IQGAP2: variants seen among roughly 807,000 people sequenced by gnomAD.
IQGAP2 encodes IQ motif containing GTPase activating protein 2.
IQGAP2 carries 173 observed loss-of-function variants against 201.3 expected under a neutral mutation model. The observed-to-expected ratio is 0.86, with a 90% CI of 0.76 to 0.98. IQGAP2 has a LOEUF of 0.98. IQGAP2 is among the 50% of genes least tolerant of loss of function. The pLI is 0.00. For missense variants in IQGAP2, 1,687 were observed against 1,864.8 expected, an observed-to-expected ratio of 0.90 and a Z score of 1.76; for synonymous variants, 675 against 673.9, an observed-to-expected ratio of 1.00 and a Z score of -0.03.
chr5:76,658,812 C>T, intron 21 of IQGAP2, 145 bp downstream of exon 21: 1 of 756,010 alleles, frequency 1.3e-6, no homozygotes, highest in Non-Finnish European at 2.2e-6. Context: ...GAGCACTTAC[C>T]TAAACATAGA....
intron 13 of IQGAP2, among the ~76,000 whole-genome samples, chr5:76,614,257 G>A (rs1375928532): frequency 6.6e-6 from 1 of 152,184 alleles, no homozygotes; most frequent in Non-Finnish European, 1.5e-5. Context: ...CACCATGCCA[G>A]CTCTGTGTCA....
intron 2 of IQGAP2, among the ~76,000 whole-genome samples, chr5:76,526,317 A>G (rs1377810092): frequency 6.6e-6 from 1 of 152,214 alleles, no homozygotes; most frequent in East Asian, 1.9e-4. Context: ...GAATAAAATG[A>G]CACTTGCTAC....
At chr5:76,469,093 C>T (rs2150133196) in intron 2 of IQGAP2, among the ~76,000 whole-genome samples, 1 of 152,324 alleles carries the variant, frequency 6.6e-6, no homozygotes. Flanking sequence ...GACAGCTAGA[C>T]TGCCAGCCTA....
At chr5:76,499,459 G>T (rs887980881) in intron 2 of IQGAP2, among the ~76,000 whole-genome samples, 3 of 152,176 alleles carry the variant, frequency 2.0e-5, no homozygotes, top group Admixed American at 2.0e-4. Flanking sequence ...AAAGGGGAGA[G>T]ATACCATCAC....
chr5:76,458,665 AT>A (rs974765300), intron 1 of IQGAP2, among the ~76,000 whole-genome samples: 21 of 152,150 alleles, frequency 1.4e-4, no homozygotes, highest in African/African-American at 4.3e-4. Context: ...GAGGGTACAC[AT>A]TTTTTATACT....
chr5:76,407,227 A>G (rs529303538), intron 1 of IQGAP2, among the ~76,000 whole-genome samples: 1 of 152,144 alleles, frequency 6.6e-6, no homozygotes, highest in South Asian at 2.1e-4. Flanking sequence ...TCAGCTTCCC[A>G]AAGTGCTGGG....
intron 5 of IQGAP2, among the ~76,000 whole-genome samples, chr5:76,577,386 T>A (rs1745542153): frequency 6.6e-6 from 1 of 152,214 alleles, no homozygotes; most frequent in Non-Finnish European, 1.5e-5. Flanking sequence ...AATATTGATG[T>A]GATATTTTCC....
chr5:76,660,063 A>C (rs1323085417), intron 21 of IQGAP2: 2 of 151,994 alleles, frequency 1.3e-5, no homozygotes, highest in African/African-American at 4.8e-5. Context: ...AGGGAAACTG[A>C]TCTTCTGGAA....
chr5:76,517,900 G>A (rs921222213), intron 2 of IQGAP2, among the ~76,000 whole-genome samples: 5 of 152,096 alleles, frequency 3.3e-5, no homozygotes, highest in Admixed American at 1.3e-4. Flanking sequence ...CCATTTTCAC[G>A]CTGCCGATAA....
intron 3 of IQGAP2, among the ~76,000 whole-genome samples, chr5:76,565,968 C>T (rs534058388): frequency 6.6e-6 from 1 of 152,230 alleles, no homozygotes; most frequent in African/African-American, 2.4e-5. Context: ...TTCTTTTCTT[C>T]TGCACTTTGA....
At chr5:76,438,038 T>TTTTTTTTTTTTTTTTTTTTG (rs1752815816) in intron 1 of IQGAP2, among the ~76,000 whole-genome samples, 1 of 117,102 alleles carries the variant, frequency 8.5e-6, no homozygotes, top group Non-Finnish European at 1.6e-5. Flanking sequence ...TTTGTTTGTT[T>TTTTTTTTTTTTTTTTTTTTG]TTTTTTTTGT....
At chr5:76,511,686 G>GTTTTGTT (rs371983527) in intron 2 of IQGAP2, among the ~76,000 whole-genome samples, 5 of 141,330 alleles carry the variant, frequency 3.5e-5, no homozygotes, top group African/African-American at 1.3e-4. Context: ...GTTTTGTTTT[G>GTTTTGTT]TTTTTTTTTT....
intron 15 of IQGAP2, among the ~76,000 whole-genome samples, chr5:76,635,033 A>G (rs1297907333): frequency 1.3e-5 from 2 of 152,196 alleles, no homozygotes; most frequent in African/African-American, 4.8e-5. Flanking sequence ...CTTTCCTATT[A>G]CCTACTGACA....
intron 2 of IQGAP2, among the ~76,000 whole-genome samples, chr5:76,485,904 T>A (rs985807887): frequency 1.3e-5 from 2 of 152,224 alleles, no homozygotes; most frequent in Non-Finnish European, 2.9e-5. Context: ...TGAGTCTTAA[T>A]TTTATTTTTT....
At chr5:76,665,611 G>A (rs371774378) in intron 22 of IQGAP2, among the ~76,000 whole-genome samples, 103 of 152,326 alleles carry the variant, frequency 6.8e-4, no homozygotes, top group Non-Finnish European at 1.2e-3. Context: ...ATATTTACCA[G>A]AACCAGTCTC....
chr5:76,490,640 A>T (rs908337429), intron 2 of IQGAP2, among the ~76,000 whole-genome samples: 6 of 152,226 alleles, frequency 3.9e-5, no homozygotes, highest in African/African-American at 1.4e-4. Flanking sequence ...TCAAAACATA[A>T]TAGTGGCTAT....
At chr5:76,612,704 C>T (rs1465255443) in intron 13 of IQGAP2, among the ~76,000 whole-genome samples, 2 of 151,614 alleles carry the variant, frequency 1.3e-5, no homozygotes, top group Admixed American at 6.6e-5. Flanking sequence ...AAAAATCATG[C>T]TGTGATGTGC....
In IQGAP2 at chr5:76,683,903, A is replaced by C. The variant is rs778697946; in HGVS notation, c.3891A>C (p.Arg1297=). ...DIEDGEAIDS[R]SLMIKTKKLI... The stretch of plus-strand genomic sequence containing the variant: ...AGGACGGTGAAGCTATAGATAGCCG[A>C]AGCCTCATGATAAAGTAAGTTTGGG... Residue 1297 remains arginine (R), a synonymous_variant, in exon 30 of 36, where the codon CGA becomes CGC. Transcript: ENST00000274364. 10 of 1,611,730 alleles carry C rather than the reference A, an allele frequency of 6.2e-6. No homozygotes were observed. The highest frequency in any genetic ancestry group is 7.6e-6 in the Non-Finnish European group (9 of 1,178,850).
intron 2 of IQGAP2, among the ~76,000 whole-genome samples, chr5:76,471,374 A>AAAAC (rs1554058996): frequency 7.4e-4 from 77 of 104,296 alleles, no homozygotes; most frequent in African/African-American, 2.4e-3. Flanking sequence ...CAAAAAAAAA[A>AAAAC]AAAAAAAAAA....
Sources: allele counts gnomAD v4.1 joint callset (sites outside exome capture counted in the v4.1 genomes callset), GRCh38; gene constraint gnomAD v4.1.1; transcripts MANE v1.5; gene names NCBI Gene and HGNC (gene_info 2026-07-23, HGNC 2026-07-21).